ESR1: variants seen among roughly 807,000 people sequenced by gnomAD.
The protein encoded by ESR1 is estrogen receptor 1.
ESR1 carries 12 observed loss-of-function variants against 52.7 expected under a neutral mutation model. That is an observed-to-expected ratio of 0.23 (90% CI 0.15 to 0.37). The LOEUF (loss-of-function observed/expected upper bound fraction) is 0.37. Ranked by LOEUF, ESR1 falls within the 10% of genes least tolerant of loss-of-function variation. The probability of loss-of-function intolerance (pLI) is 1.00; values close to 1 mark genes in which losing one functional copy is unlikely to be tolerated. For missense variants in ESR1, 584 were observed against 779.7 expected (o/e 0.75, Z 2.99); for synonymous variants, 305 against 316.8 (o/e 0.96, Z 0.39).
chr6:151,868,701 G>A (rs941676772), intron 2 of ESR1, among the ~76,000 whole-genome samples: 26 of 151,854 alleles, frequency 1.7e-4, no homozygotes, highest in African/African-American at 4.8e-4. Context: ...TCTTTATCTA[G>A]GATAACTGAT....
At chr6:151,809,011 G>A (rs966221725) in intron 1 of ESR1, 2 of 261,574 alleles carry the variant, frequency 7.6e-6, no homozygotes, top group African/African-American at 2.3e-5. Context: ...AGCTGGCTGA[G>A]TCCGCGCTGG....
intron 2 of ESR1, among the ~76,000 whole-genome samples, chr6:151,858,432 T>C (rs1282899117): frequency 6.6e-6 from 1 of 151,930 alleles, no homozygotes; most frequent in African/African-American, 2.4e-5. Flanking sequence ...GTTGCACATA[T>C]ACTAGCCATG....
chr6:151,716,676 C>T (rs1781063910), intron 2 of ESR1, among the ~76,000 whole-genome samples: 1 of 152,188 alleles, frequency 6.6e-6, no homozygotes, highest in African/African-American at 2.4e-5. Context: ...GCGGATGCCC[C>T]TCCCCCCACC....
At chr6:152,120,489 T>C (rs1010382041) in intron 6 of ESR1, among the ~76,000 whole-genome samples, 2 of 152,128 alleles carry the variant, frequency 1.3e-5, no homozygotes, top group African/African-American at 4.8e-5. Flanking sequence ...GATGGGTTCA[T>C]GGGCCATAAG....
intron 5 of ESR1, among the ~76,000 whole-genome samples, chr6:152,022,906 G>A (rs1308850891): frequency 2.0e-5 from 3 of 151,834 alleles, no homozygotes; most frequent in African/African-American, 7.3e-5. Flanking sequence ...GAACCTGGGA[G>A]GCAGAGGTTG....
chr6:151,792,842 C>A (rs958555612), intron 2 of ESR1, among the ~76,000 whole-genome samples: 26 of 152,136 alleles, frequency 1.7e-4, no homozygotes, highest in African/African-American at 6.0e-4. Context: ...TTCTTTACAT[C>A]CTTATTCTAT....
intron 2 of ESR1, among the ~76,000 whole-genome samples, chr6:151,723,895 G>A (rs540028474): frequency 1.3e-5 from 2 of 151,984 alleles, no homozygotes; most frequent in East Asian, 3.9e-4. Context: ...CAAAAGAACA[G>A]TGCTGGTACC....
In ESR1 at chr6:151,807,979, C is replaced by T. The variant is rs1399427744; in HGVS notation, c.67C>T (p.Leu23=). The T allele has an allele frequency of 6.2e-7, 1 of 1,614,010 alleles. No homozygotes were observed. Among genetic ancestry groups the T allele is most frequent in the Admixed American group, 1.7e-5 (1 of 60,030 alleles). Residue 23 remains leucine, a synonymous_variant, in exon 1 of 8, where the codon CTG becomes TTG. Coordinates refer to ENST00000206249, the MANE Select transcript of ESR1 (RefSeq NM_000125.4). ...ALLHQIQGNE[L]EPLNRPQLKI... ...ACTGCATCAGATCCAAGGGAACGAG[C>T]TGGAGCCCCTGAACCGTCCGCAGCT...
At chr6:152,111,057 G>A (rs894865350) in intron 6 of ESR1, among the ~76,000 whole-genome samples, 6 of 152,078 alleles carry the variant, frequency 3.9e-5, no homozygotes, top group Non-Finnish European at 8.8e-5. Context: ...AGCCTGCAGC[G>A]GTGGCACCCT....
intron 1 of ESR1, among the ~76,000 whole-genome samples, chr6:151,683,751 T>C (rs113453601): frequency 6.6e-6 from 1 of 151,840 alleles, no homozygotes; most frequent in Non-Finnish European, 1.5e-5. Flanking sequence ...CAGGCTAGAG[T>C]GCAGAGGTGC....
intron 2 of ESR1, among the ~76,000 whole-genome samples, chr6:151,747,443 T>G (rs1194074249): frequency 6.6e-6 from 1 of 152,200 alleles, no homozygotes; most frequent in East Asian, 1.9e-4. Flanking sequence ...CTATTTTTCT[T>G]TCTGGGTTTT....
At chr6:151,821,849 A>C (rs1780606970) in intron 1 of ESR1, among the ~76,000 whole-genome samples, 1 of 152,166 alleles carries the variant, frequency 6.6e-6, no homozygotes. Context: ...TTTACTATTA[A>C]ATTTTCCCCT....
At chr6:151,691,680 T>C (rs1778956001) in intron 1 of ESR1, among the ~76,000 whole-genome samples, 1 of 145,626 alleles carries the variant, frequency 6.9e-6, no homozygotes, top group South Asian at 2.1e-4. Context: ...GTTTTGAATG[T>C]GGTATATACA....
intron 3 of ESR1, among the ~76,000 whole-genome samples, chr6:151,884,008 G>A (rs1487766710): frequency 1.3e-5 from 2 of 152,002 alleles, no homozygotes; most frequent in African/African-American, 4.8e-5. Context: ...TTCAACATAT[G>A]AGTTTTAAGG....
intron 5 of ESR1, among the ~76,000 whole-genome samples, chr6:152,019,166 T>C (rs2043410911): frequency 6.6e-6 from 1 of 152,226 alleles, no homozygotes; most frequent in South Asian, 2.1e-4. Flanking sequence ...CCACTTCTTA[T>C]TGAAGATAAA....
intron 5 of ESR1, among the ~76,000 whole-genome samples, chr6:152,019,845 C>T (rs951224085): frequency 6.6e-6 from 1 of 152,084 alleles, no homozygotes; most frequent in African/African-American, 2.4e-5. Context: ...AGGGGGTTGG[C>T]CACTTTCAAG....
intron 2 of ESR1, among the ~76,000 whole-genome samples, chr6:151,746,216 G>C (rs1783471704): frequency 6.6e-6 from 1 of 152,110 alleles, no homozygotes; most frequent in South Asian, 2.1e-4. Context: ...TCAGTTCTTT[G>C]GGATATATAC....
At chr6:151,672,465 T>C (rs149830735) in intron 1 of ESR1, among the ~76,000 whole-genome samples, 1 of 152,156 alleles carries the variant, frequency 6.6e-6, no homozygotes, top group African/African-American at 2.4e-5. Context: ...GCCTCCTAGG[T>C]AGCTGGGATT....
intron 2 of ESR1, among the ~76,000 whole-genome samples, chr6:151,758,753 T>A (rs1210987267): frequency 6.4e-5 from 9 of 140,104 alleles, no homozygotes; most frequent in Admixed American, 5.2e-4. Context: ...TGAGACTCTG[T>A]CTCAAATTAA....
Sources: allele counts gnomAD v4.1 joint callset (sites outside exome capture counted in the v4.1 genomes callset), GRCh38; gene constraint gnomAD v4.1.1; transcripts MANE v1.5; gene names NCBI Gene and HGNC (gene_info 2026-07-23, HGNC 2026-07-21).